SH2D3C: variants seen among roughly 807,000 people sequenced by gnomAD.
SH2D3C encodes SH2 domain containing 3C.
A neutral mutation model predicts 75.2 loss-of-function variants in SH2D3C; 25 were observed. The ratio of observed to expected loss-of-function variants is 0.33; its 90% CI spans 0.24 to 0.46. SH2D3C has a LOEUF of 0.46. Ranked by LOEUF, SH2D3C falls within the 20% of genes least tolerant of loss-of-function variation. The pLI is 1.00. For synonymous variants in SH2D3C, 450 were observed against 473.7 expected (o/e 0.95, Z 0.65); for missense variants, 933 against 1,165.3 (o/e 0.80, Z 2.90).
At chr9:127,741,738 G>A in intron 9 of SH2D3C, 50 bp downstream of exon 9, 3 of 1,585,086 alleles carry the variant, frequency 1.9e-6, no homozygotes, top group Non-Finnish European at 2.6e-6. Flanking sequence ...GGCACCCCAG[G>A]GCTCTTCCAG....
chr9:127,759,601 C>A (rs959039771), intron 3 of SH2D3C, among the ~76,000 whole-genome samples: 6 of 152,300 alleles, frequency 3.9e-5, no homozygotes, highest in Admixed American at 2.0e-4. Flanking sequence ...GTATTCCCAG[C>A]ACTTTGGGAG....
intron 1 of SH2D3C, among the ~76,000 whole-genome samples, chr9:127,777,851 T>G (rs778714942): frequency 1.3e-5 from 2 of 150,040 alleles, no homozygotes; most frequent in Non-Finnish European, 3.0e-5. Context: ...GAGACAGTGA[T>G]GGACAAAGAG....
intron 2 of SH2D3C, among the ~76,000 whole-genome samples, chr9:127,768,670 G>A (rs1052024749): frequency 1.2e-4 from 19 of 152,228 alleles, no homozygotes; most frequent in African/African-American, 3.6e-4. Flanking sequence ...TGCTGCTCAA[G>A]GCCAGCAATG....
At chr9:127,756,714 G>A (rs186322494) in intron 3 of SH2D3C, among the ~76,000 whole-genome samples, 1 of 141,986 alleles carries the variant, frequency 7.0e-6, no homozygotes, top group Non-Finnish European at 1.5e-5. Flanking sequence ...GCAATATCTC[G>A]GCTCAATGTA....
At chr9:127,745,209 A>G in intron 6 of SH2D3C, 110 bp from the exon 7 acceptor site, 1 of 893,740 alleles carries the variant, frequency 1.1e-6, no homozygotes, top group Non-Finnish European at 1.6e-6. Context: ...GGGAGTACAG[A>G]GGTGATGTCC....
chr9:127,745,903 C>T (rs115911836), intron 6 of SH2D3C, among the ~76,000 whole-genome samples: 5,476 of 152,266 alleles, frequency 0.036, 137 homozygotes, highest in African/African-American at 0.073. Flanking sequence ...GCGATATTTA[C>T]TAAGCTCTTA....
At chr9:127,753,063 T>G (rs1845246159) in intron 3 of SH2D3C, among the ~76,000 whole-genome samples, 3 of 147,580 alleles carry the variant, frequency 2.0e-5, no homozygotes, top group South Asian at 2.1e-4. Flanking sequence ...GGAGGGGAGA[T>G]GAATAAGAAG....
intron 8 of SH2D3C, among the ~76,000 whole-genome samples, chr9:127,742,293 A>G (rs909183395): frequency 1.4e-4 from 21 of 152,166 alleles, no homozygotes; most frequent in Non-Finnish European, 2.9e-4. Context: ...CTGGAGTGCA[A>G]TGGCGCGATC....
At chr9:127,767,156 A>G (rs370613071) in intron 2 of SH2D3C, 1 of 1,535,324 alleles carries the variant, frequency 6.5e-7, no homozygotes, top group African/African-American at 1.4e-5. Context: ...TGCAGTGTCC[A>G]GCAGGAGCTC....
At chr9:127,767,124 C>G (rs1327704111) in intron 2 of SH2D3C, 1 of 1,535,822 alleles carries the variant, frequency 6.5e-7, no homozygotes. Context: ...CCGTCTGGAG[C>G]CCTCAGTTTT....
At chr9:127,765,505 C>A (rs1014108473) in intron 2 of SH2D3C, among the ~76,000 whole-genome samples, 10 of 152,178 alleles carry the variant, frequency 6.6e-5, no homozygotes, top group East Asian at 3.9e-4. Flanking sequence ...CCTGGCTGGG[C>A]CCTCTGTGAC....
At chr9:127,746,944 A>G (rs1845047630) in intron 6 of SH2D3C, among the ~76,000 whole-genome samples, 1 of 152,230 alleles carries the variant, frequency 6.6e-6, no homozygotes, top group Non-Finnish European at 1.5e-5. Context: ...AAACAAATAA[A>G]TAGTTGCTAA....
intron 2 of SH2D3C, among the ~76,000 whole-genome samples, chr9:127,763,397 G>A (rs1845574301): frequency 6.6e-6 from 1 of 152,174 alleles, no homozygotes; most frequent in Admixed American, 6.5e-5. Flanking sequence ...CCAACACAGT[G>A]CCTGCAGGAG....
intron 3 of SH2D3C, among the ~76,000 whole-genome samples, chr9:127,752,596 C>A (rs557657342): frequency 6.6e-6 from 1 of 152,276 alleles, no homozygotes; most frequent in Non-Finnish European, 1.5e-5. Context: ...CAGATCTCGC[C>A]TCCTAATTCT....
Position 127,774,578 on chromosome 9 carries a change from T to A in SH2D3C, c.38-111A>T. The A allele has an allele frequency of 1.5e-6, 1 of 654,074 alleles. No homozygotes were observed. 40.5% of individuals were successfully genotyped at this position (654,074 alleles called of 1,614,324 possible). A position where few individuals can be genotyped will look rare whatever the true frequency, so the allele number is the denominator to read the frequency against. ...GTGAGGGGCTGAAGAGGGCTGGCGGTTTCCCAGACACCCCTTCTAAAATTG... is the reference window on the plus strand; with the variant it reads ...GTGAGGGGCTGAAGAGGGCTGGCGGATTCCCAGACACCCCTTCTAAAATTG... On this transcript the variant is annotated intron_variant, in intron 1 of 11. Transcript: ENST00000314830. This position sits in a 1 kb window ranked among gnomAD's most constrained non-coding sequence, Gnocchi z 4.3.
chr9:127,744,225 G>A (rs370574087), intron 7 of SH2D3C, among the ~76,000 whole-genome samples: 31 of 151,782 alleles, frequency 2.0e-4, no homozygotes, highest in Non-Finnish European at 3.2e-4. Context: ...CGCCCACCAC[G>A]ACGCCTAGCT....
intron 2 of SH2D3C, chr9:127,771,483 C>A: frequency 1.2e-6 from 1 of 842,068 alleles, no homozygotes; most frequent in African/African-American, 1.8e-5. Context: ...CCCTCCCCAT[C>A]AGTCAGTGTC....
chr9:127,743,614 G>T (rs1305446592), intron 7 of SH2D3C, among the ~76,000 whole-genome samples: 4 of 152,252 alleles, frequency 2.6e-5, no homozygotes, highest in Admixed American at 1.3e-4. Flanking sequence ...GCTTGCCCAA[G>T]GTCACACACT....
rs997137420 is a variant in SH2D3C, at chr9:127,751,250, C to T, written c.606G>A (p.Lys202=). 11 of 1,613,316 alleles carry T rather than the reference C, an allele frequency of 6.8e-6. No homozygotes were observed. The highest frequency in any genetic ancestry group is 9.3e-6 in the Non-Finnish European group (11 of 1,179,328). The part of the protein sequence containing the change: ...ILDSSPEKLH[K]ELEEELKLSS... The stretch of plus-strand genomic sequence containing the variant: ...TGAGTTTGAGCTCCTCCTCCAATTC[C>T]TTGTGGAGTTTCTCTGGCGATGAGT... The change falls in exon 4 of 12, where the codon AAG becomes AAA. Residue 202 remains lysine (K), a synonymous_variant. Transcript: ENST00000314830. This position sits in a 1 kb window ranked among gnomAD's most constrained non-coding sequence, Gnocchi z 4.1.
Sources: gnomAD v4.1 joint callset for allele counts (sites outside exome capture counted in the v4.1 genomes callset) on GRCh38, gnomAD v4.1.1 for gene constraint, Gnocchi (gnomAD v3.1) non-coding constraint, MANE v1.5 for transcripts, NCBI Gene and HGNC (gene_info 2026-07-23, HGNC 2026-07-21) for gene names.